Variants in RABGAP1L observed in about 807,000 individuals in gnomAD.
RABGAP1L encodes the protein RAB GTPase activating protein 1 like, also known as rab GTPase-activating protein 1-like.
RABGAP1L carries 63 observed loss-of-function variants against 137.7 expected under a neutral mutation model. The ratio of observed to expected loss-of-function variants is 0.46; its 90% confidence interval spans 0.37 to 0.56. The LOEUF (loss-of-function observed/expected upper bound fraction) is 0.56. Among genes scored for constraint, RABGAP1L ranks in the 20% least tolerant of loss-of-function variants. RABGAP1L has a pLI of 0.00. For missense variants in RABGAP1L, 1,095 were observed against 1,244.0 expected (o/e 0.88, Z 1.80); for synonymous variants, 431 against 433.7 (o/e 0.99, Z 0.08).
intron 13 of RABGAP1L, among the ~76,000 whole-genome samples, chr1:174,617,944 G>A (rs866119937): frequency 5.3e-5 from 8 of 152,294 alleles, no homozygotes; most frequent in Middle Eastern, 3.4e-3. Flanking sequence ...ACTCCCACCC[G>A]AATACTGCAC....
chr1:174,637,225 AT>A, intron 13 of RABGAP1L, 149 bp from the exon 14 acceptor site: 2 of 576,646 alleles, frequency 3.5e-6, no homozygotes. Context: ...TATCTTGGGT[AT>A]AGGACTATGG....
intron 13 of RABGAP1L, among the ~76,000 whole-genome samples, chr1:174,416,725 G>T (rs1650637042): frequency 6.6e-6 from 1 of 152,048 alleles, no homozygotes; most frequent in South Asian, 2.1e-4. Context: ...TGACATTTCT[G>T]TTGACTTACT....
chr1:174,519,460 G>A (rs541253898), intron 13 of RABGAP1L, among the ~76,000 whole-genome samples: 4 of 152,076 alleles, frequency 2.6e-5, no homozygotes, highest in East Asian at 3.9e-4. Flanking sequence ...CTTTATATTC[G>A]CTGGCAGCTG....
At chr1:174,426,310 T>C (rs1651948861) in intron 13 of RABGAP1L, among the ~76,000 whole-genome samples, 1 of 152,096 alleles carries the variant, frequency 6.6e-6, no homozygotes, top group Admixed American at 6.6e-5. Flanking sequence ...CTAGATTCTC[T>C]CACATTTCTG....
intron 19 of RABGAP1L, among the ~76,000 whole-genome samples, chr1:174,930,115 T>C (rs909262373): frequency 2.6e-5 from 4 of 151,450 alleles, no homozygotes; most frequent in African/African-American, 9.7e-5. Context: ...TCCCAAAGTG[T>C]TGGGATTACA....
chr1:174,190,983 A>G (rs1246855349), intron 1 of RABGAP1L, among the ~76,000 whole-genome samples: 5 of 152,254 alleles, frequency 3.3e-5, no homozygotes, highest in Non-Finnish European at 7.3e-5. Context: ...TGGAGCAGGC[A>G]GAACACACAG....
At chr1:174,567,891 A>G (rs993246505) in intron 13 of RABGAP1L, among the ~76,000 whole-genome samples, 3 of 152,192 alleles carry the variant, frequency 2.0e-5, no homozygotes, top group African/African-American at 7.2e-5. Context: ...CAGTCTCAGC[A>G]TTGCCGTATA....
At position 174,195,622 on chromosome 1, in the gene RABGAP1L, TTCCTTCCTTC is replaced by T. The variant is rs1558021058; in HGVS notation, c.-33-23502_-33-23493del. Among the ~76,000 whole-genome samples, 3 of 82,580 alleles carry T rather than the reference TTCCTTCCTTC, an allele frequency of 3.6e-5. No individual in the cohort carries two copies. The South Asian group carries it at 1.3e-3, about 35-fold the overall frequency. The allele number at this position is 82,580 out of a possible 152,430, so 54.2% of individuals were successfully genotyped here. A position where few individuals can be genotyped will look rare whatever the true frequency, so the allele number is the denominator to read the frequency against. ...CTTTCTTTCTTTCTTTCTTTCTTCC[TTCCTTCCTTC>T]CTTCCTTCCTTCCTTCCTTCCTTTC... On this transcript the variant is annotated intron_variant, in intron 1 of 25. Transcript: ENST00000681986.
At chr1:174,476,601 C>A (rs866386662) in intron 13 of RABGAP1L, among the ~76,000 whole-genome samples, 1 of 152,116 alleles carries the variant, frequency 6.6e-6, no homozygotes, top group African/African-American at 2.4e-5. Flanking sequence ...GGACATTTGG[C>A]ACTATTGGGA....
intron 1 of RABGAP1L, among the ~76,000 whole-genome samples, chr1:174,184,130 G>A (rs1327122159): frequency 6.6e-6 from 1 of 152,092 alleles, no homozygotes; most frequent in Non-Finnish European, 1.5e-5. Flanking sequence ...GCCTCCCAAA[G>A]TGCTGGGATT....
chr1:174,978,909 A>G lies in RABGAP1L; in HGVS notation c.2733+19A>G. The stretch of plus-strand genomic sequence containing the variant: ...TAAACAGGTAATGTACTTCTGTGGC[A>G]CATAGAGCTAGTTATAGTTTGCTGC... On this transcript the variant is annotated intron_variant, in intron 23 of 25. Transcript: ENST00000681986. 1.3e-6 allele frequency: 2 copies of G among 1,486,728 alleles called. No homozygotes were observed. Among genetic ancestry groups the G allele is most frequent in the Admixed American group, 5.5e-5 (2 of 36,504 alleles). 92.1% of individuals were successfully genotyped at this position (1,486,728 alleles called of 1,614,324 possible).
chr1:174,261,104 C>G (rs184068307), intron 7 of RABGAP1L, among the ~76,000 whole-genome samples: 2 of 152,002 alleles, frequency 1.3e-5, no homozygotes, highest in South Asian at 2.1e-4. Flanking sequence ...TCACTCTTCT[C>G]AGGGGTCTGC....
intron 11 of RABGAP1L, among the ~76,000 whole-genome samples, chr1:174,330,821 C>G (rs1256487335): frequency 1.3e-5 from 2 of 151,904 alleles, no homozygotes; most frequent in Non-Finnish European, 2.9e-5. Context: ...ACATTCTTCA[C>G]AGAAATAGAA....
intron 25 of RABGAP1L, among the ~76,000 whole-genome samples, chr1:174,989,458 G>A (rs1166210017): frequency 6.6e-6 from 1 of 152,046 alleles, no homozygotes; most frequent in African/African-American, 2.4e-5. Context: ...ACATTCTTAG[G>A]GCAAAGCCTA....
Position 174,992,235 on chromosome 1 carries a change from T to C in RABGAP1L, c.*2234T>C, listed in dbSNP as rs1241288250. On this transcript the variant is annotated 3_prime_UTR_variant, in exon 26 of 26. Coordinates refer to ENST00000681986, the MANE Select transcript of RABGAP1L (RefSeq NM_001366446.1). Reference sequence around the variant, plus strand: ...GGGTGGATCACCTAAGGTCAGGAGTTTGAGACCAGCCTGGCCAACATGGTG... The same window carrying C: ...GGGTGGATCACCTAAGGTCAGGAGTCTGAGACCAGCCTGGCCAACATGGTG... The C allele has an allele frequency of 2.0e-5, 3 of 152,174 alleles. No individual in the cohort carries two copies. The highest frequency in any genetic ancestry group is 7.2e-5 in the African/African-American group (3 of 41,412). The allele number at this position is 152,174 out of a possible 1,614,324, so 9.4% of individuals were successfully genotyped here.
chr1:174,701,007 T>G (rs1679604502), intron 16 of RABGAP1L: 1 of 1,240,506 alleles, frequency 8.1e-7, no homozygotes, highest in Admixed American at 2.8e-5. Context: ...ACGTTCCATT[T>G]GAAGTACCTA....
At chr1:174,345,875 TG>T (rs1186204417) in intron 11 of RABGAP1L, among the ~76,000 whole-genome samples, 1 of 152,168 alleles carries the variant, frequency 6.6e-6, no homozygotes, top group Non-Finnish European at 1.5e-5. Context: ...ATACTAGCTG[TG>T]GGTCTTTTGT....
At chr1:174,160,012 C>T (rs115269257) in intron 1 of RABGAP1L, 2,285 of 152,524 alleles carry the variant, frequency 0.015, 30 homozygotes, top group Middle Eastern at 0.064. Context: ...TACGCTGTGG[C>T]TGCTGCTGGA....
chr1:174,849,002 C>G (rs1229860222), intron 19 of RABGAP1L, among the ~76,000 whole-genome samples: 1 of 152,092 alleles, frequency 6.6e-6, no homozygotes, highest in Admixed American at 6.6e-5. Flanking sequence ...CAGGTGCGTC[C>G]GTCACCGCTT....
Sources: allele counts gnomAD v4.1 joint callset (sites outside exome capture counted in the v4.1 genomes callset), GRCh38; gene constraint gnomAD v4.1.1; transcripts MANE v1.5; gene names NCBI Gene and HGNC (gene_info 2026-07-23, HGNC 2026-07-21).